Variants in KHDRBS2 observed in about 807,000 individuals in gnomAD.
KHDRBS2 encodes KH RNA binding domain containing, signal transduction associated 2.
A neutral mutation model predicts 44.3 loss-of-function variants in KHDRBS2; 26 were observed. The observed-to-expected ratio is 0.59, with a 90% CI of 0.43 to 0.81. The LOEUF is 0.81. KHDRBS2 is among the 40% of genes least tolerant of loss of function. KHDRBS2 has a pLI of 0.00. For synonymous variants in KHDRBS2, 194 were observed against 151.1 expected, an observed-to-expected ratio of 1.28 and a Z score of -2.08; for missense variants, 476 against 433.1, an observed-to-expected ratio of 1.10 and a Z score of -0.88.
At chr6:61,983,200 T>TTTTCTTTCTTTTCTTTCTTTC (rs553232983) in intron 3 of KHDRBS2, among the ~76,000 whole-genome samples, 3,327 of 45,634 alleles carry the variant, frequency 0.073, 425 homozygotes, top group Middle Eastern at 0.087. Context: ...GTTTTTTTCA[T>TTTTCTTTCTTTTCTTTCTTTC]TTTCTTTCTT....
intron 6 of KHDRBS2, among the ~76,000 whole-genome samples, chr6:61,876,340 A>G (rs1583288665): frequency 6.6e-6 from 1 of 152,216 alleles, no homozygotes; most frequent in Middle Eastern, 3.4e-3. Context: ...TCAGAAGAAA[A>G]CAAGTAGTGC....
intron 6 of KHDRBS2, among the ~76,000 whole-genome samples, chr6:61,882,197 GA>G (rs1469722840): frequency 6.6e-6 from 1 of 151,948 alleles, no homozygotes; most frequent in Non-Finnish European, 1.5e-5. Flanking sequence ...ATGTTGAGAA[GA>G]AGAAAGAAAA....
chr6:62,217,190 T>C (rs1830155745), intron 1 of KHDRBS2, among the ~76,000 whole-genome samples: 1 of 151,804 alleles, frequency 6.6e-6, no homozygotes, highest in Non-Finnish European at 1.5e-5. Context: ...CCGTTTTCAA[T>C]AAGAGCTGAG....
Position 61,772,783 on chromosome 6 carries a change from C to G in KHDRBS2, c.811-40019G>C, listed in dbSNP as rs555439141. ...TTAGGTATATCTCCTAAAGCTATCC[C>G]TACCCCCTACCCCAACTCCACAACA... On this transcript the variant is annotated intron_variant, in intron 6 of 8. Transcript: ENST00000281156. Among the ~76,000 whole-genome samples the G allele has an allele frequency of 1.1e-4, 16 of 152,150 alleles. No individual in the cohort carries two copies. In the South Asian group the frequency reaches 1.7e-3, roughly 16 times the overall value.
chr6:62,103,365 G>A (rs1199462730), intron 2 of KHDRBS2, among the ~76,000 whole-genome samples: 2 of 152,204 alleles, frequency 1.3e-5, no homozygotes, highest in African/African-American at 4.8e-5. Flanking sequence ...AGCACCCAAA[G>A]TCCAGAGGGC....
At chr6:61,583,419 A>G in the KHDRBS2 span, among the ~76,000 whole-genome samples, 4 of 151,798 alleles carry the variant, frequency 2.6e-5, no homozygotes, top group African/African-American at 9.7e-5. Flanking sequence ...CAATATGAAT[A>G]AAGCTATTAT....
At chr6:61,646,197 C>T in the KHDRBS2 span, among the ~76,000 whole-genome samples, 132 of 152,284 alleles carry the variant, frequency 8.7e-4, no homozygotes, top group African/African-American at 3.0e-3. Context: ...ATTAATACTT[C>T]CACATAATGG....
intron 2 of KHDRBS2, among the ~76,000 whole-genome samples, chr6:62,060,390 G>T (rs1273108932): frequency 6.6e-6 from 1 of 151,614 alleles, no homozygotes; most frequent in Non-Finnish European, 1.5e-5. Flanking sequence ...AGGATTGGAA[G>T]ACTACACAAA....
At chr6:62,122,466 G>A (rs1041699871) in intron 2 of KHDRBS2, among the ~76,000 whole-genome samples, 7 of 152,122 alleles carry the variant, frequency 4.6e-5, no homozygotes, top group East Asian at 1.9e-4. Flanking sequence ...ATTCCATTCC[G>A]TCATCAAATG....
chr6:62,117,381 T>C (rs1429875415), intron 2 of KHDRBS2, among the ~76,000 whole-genome samples: 1 of 152,216 alleles, frequency 6.6e-6, no homozygotes, highest in African/African-American at 2.4e-5. Flanking sequence ...CACATACCTG[T>C]TGACCATTTG....
chr6:62,189,381 G>A (rs1460135466), intron 1 of KHDRBS2, among the ~76,000 whole-genome samples: 2 of 151,376 alleles, frequency 1.3e-5, no homozygotes, highest in Non-Finnish European at 2.9e-5. Context: ...CACTTCTTAA[G>A]AGACTCTGGG....
At chr6:62,281,947 T>C (rs1443912949) in intron 1 of KHDRBS2, among the ~76,000 whole-genome samples, 1 of 152,158 alleles carries the variant, frequency 6.6e-6, no homozygotes, top group Non-Finnish European at 1.5e-5. Flanking sequence ...TTTTTGCCCA[T>C]GTTTGTTTTG....
At chr6:61,786,502 A>G (rs954966855) in intron 6 of KHDRBS2, among the ~76,000 whole-genome samples, 2 of 152,056 alleles carry the variant, frequency 1.3e-5, no homozygotes, top group African/African-American at 4.8e-5. Flanking sequence ...AAAAGCAAAG[A>G]TCAAACAATC....
intron 2 of KHDRBS2, among the ~76,000 whole-genome samples, chr6:62,139,936 A>C (rs1223489485): frequency 1.4e-5 from 2 of 145,992 alleles, no homozygotes; most frequent in Non-Finnish European, 3.0e-5. Flanking sequence ...TTTTGTCCTG[A>C]GACCTTACAA....
the KHDRBS2 span, among the ~76,000 whole-genome samples, chr6:61,598,536 C>A: frequency 3.3e-5 from 5 of 152,110 alleles, no homozygotes; most frequent in Non-Finnish European, 7.4e-5. Flanking sequence ...AAGAGAAAGT[C>A]AGTAAGACAG....
intron 2 of KHDRBS2, among the ~76,000 whole-genome samples, chr6:62,114,291 T>C (rs1468699338): frequency 2.6e-5 from 4 of 152,234 alleles, no homozygotes; most frequent in Middle Eastern, 3.4e-3. Context: ...CAGTATCTCT[T>C]GCATAAAACA....
intron 3 of KHDRBS2, among the ~76,000 whole-genome samples, chr6:62,042,315 T>A (rs532110804): frequency 6.6e-6 from 1 of 152,272 alleles, no homozygotes; most frequent in African/African-American, 2.4e-5. Context: ...CAAGTTATTA[T>A]GCTGATTCCT....
At chr6:61,567,441 C>T in the KHDRBS2 span, among the ~76,000 whole-genome samples, 10 of 152,178 alleles carry the variant, frequency 6.6e-5, no homozygotes, top group Non-Finnish European at 1.3e-4. Flanking sequence ...TGAGACCAGC[C>T]TCAGCAACAA....
intron 6 of KHDRBS2, among the ~76,000 whole-genome samples, chr6:61,740,710 A>C (rs1293846607): frequency 6.6e-6 from 1 of 151,818 alleles, no homozygotes; most frequent in Admixed American, 6.6e-5. Flanking sequence ...CTGTTGATAT[A>C]GTGTAAGGAA....
Sources: allele counts gnomAD v4.1 joint callset (sites outside exome capture counted in the v4.1 genomes callset), GRCh38; gene constraint gnomAD v4.1.1; transcripts MANE v1.5; gene names NCBI Gene and HGNC (gene_info 2026-07-23, HGNC 2026-07-21).